The following B3GALT1 variants were observed in gnomAD, a reference collection of about 807,000 sequenced individuals.
B3GALT1 encodes the protein beta-1,3-galactosyltransferase 1.
B3GALT1 carries 10 observed loss-of-function variants against 23.2 expected under a neutral mutation model. The ratio of observed to expected loss-of-function variants is 0.43; its 90% CI spans 0.27 to 0.73. The LOEUF is 0.73. B3GALT1 is among the 30% of genes least tolerant of loss of function. The probability of loss-of-function intolerance (pLI) is 0.21; values close to 1 mark genes in which losing one functional copy is unlikely to be tolerated. For synonymous variants in B3GALT1, 156 were observed against 141.5 expected, an observed-to-expected ratio of 1.10 and a Z score of -0.73; for missense variants, 299 against 405.4, an observed-to-expected ratio of 0.74 and a Z score of 2.25.
rs1041064607 is a variant in B3GALT1 at position 167,355,915 on chromosome 2, G to C, written c.-511+62581G>C. ...AGTATACTGAGTCATTACAAGGGTG[G>C]TAAGGATGGGAGAGTATTTTGTTTC... On this transcript the variant is annotated intron_variant, in intron 1 of 4. Coordinates refer to ENST00000392690, the MANE Select transcript of B3GALT1 (RefSeq NM_020981.4). Among the ~76,000 whole-genome samples, 2 of 152,306 alleles carry C rather than the reference G, an allele frequency of 1.3e-5. 1 individual carries two copies. The highest frequency in any genetic ancestry group is 4.1e-4 in the South Asian group (2 of 4,826).
intron 3 of B3GALT1, among the ~76,000 whole-genome samples, chr2:167,673,252 G>A (rs1301284985): frequency 6.6e-6 from 1 of 151,964 alleles, no homozygotes; most frequent in Non-Finnish European, 1.5e-5. Flanking sequence ...TAAAAAGCAG[G>A]TTTCTGATCA....
At chr2:167,593,771 A>G (rs1339392701) in intron 2 of B3GALT1, among the ~76,000 whole-genome samples, 3 of 152,194 alleles carry the variant, frequency 2.0e-5, no homozygotes, top group African/African-American at 7.2e-5. Context: ...GTTCCACAAC[A>G]CGGAGCTCAG....
intron 3 of B3GALT1, among the ~76,000 whole-genome samples, chr2:167,651,394 T>C (rs1188803727): frequency 6.6e-6 from 1 of 152,138 alleles, no homozygotes; most frequent in African/African-American, 2.4e-5. Flanking sequence ...CCCAAAACTG[T>C]CTTCTGATAA....
intron 1 of B3GALT1, among the ~76,000 whole-genome samples, chr2:167,442,323 A>G (rs1431185671): frequency 2.0e-5 from 3 of 152,114 alleles, no homozygotes; most frequent in Non-Finnish European, 2.9e-5. Flanking sequence ...ATTGTGAATA[A>G]TGCCGCAATA....
At chr2:167,468,755 C>T (rs72872823) in intron 1 of B3GALT1, among the ~76,000 whole-genome samples, 6,500 of 152,194 alleles carry the variant, frequency 0.043, 214 homozygotes, top group Non-Finnish European at 0.062. Context: ...GCCTGAGTCC[C>T]AGCTACTTGA....
At chr2:167,836,411 G>A (rs1281286468) in intron 4 of B3GALT1, among the ~76,000 whole-genome samples, 1 of 152,158 alleles carries the variant, frequency 6.6e-6, no homozygotes, top group Non-Finnish European at 1.5e-5. Context: ...GCGATCAACT[G>A]GAAGAAAGGG....
At chr2:167,619,772 A>T (rs1180022602) in intron 2 of B3GALT1, among the ~76,000 whole-genome samples, 1 of 152,108 alleles carries the variant, frequency 6.6e-6, no homozygotes, top group Admixed American at 6.6e-5. Flanking sequence ...CTGTGTAGTG[A>T]AAACTAATTA....
At chr2:167,868,702 T>C (rs759981349) in intron 4 of B3GALT1, among the ~76,000 whole-genome samples, 109 bp from the exon 5 acceptor site, 1 of 152,208 alleles carries the variant, frequency 6.6e-6, no homozygotes, top group South Asian at 2.1e-4. Flanking sequence ...TGAATGATCA[T>C]GTGTATTTTA....
chr2:167,323,212 T>A (rs562146350), intron 1 of B3GALT1, among the ~76,000 whole-genome samples: 1 of 152,254 alleles, frequency 6.6e-6, no homozygotes, highest in South Asian at 2.1e-4. Context: ...AATGTAAATG[T>A]CATAATTTAG....
At chr2:167,823,874 A>G (rs1689160008) in intron 4 of B3GALT1, among the ~76,000 whole-genome samples, 2 of 152,276 alleles carry the variant, frequency 1.3e-5, no homozygotes, top group Admixed American at 1.3e-4. Context: ...ATATTTAGAT[A>G]TAACAATTAT....
chr2:167,363,403 GATTCAC>G (rs1697529491), intron 1 of B3GALT1, among the ~76,000 whole-genome samples: 3 of 151,912 alleles, frequency 2.0e-5, no homozygotes. Context: ...CTTGCCTCCA[GATTCAC>G]ACACACAAAA....
intron 1 of B3GALT1, among the ~76,000 whole-genome samples, chr2:167,294,608 G>C (rs1439577010): frequency 6.6e-6 from 1 of 152,176 alleles, no homozygotes; most frequent in Non-Finnish European, 1.5e-5. Context: ...ATCTGCTTAG[G>C]AAAGTTCTTG....
chr2:167,525,962 T>TC (rs1683212525), intron 2 of B3GALT1, among the ~76,000 whole-genome samples: 1 of 151,996 alleles, frequency 6.6e-6, no homozygotes, highest in Non-Finnish European at 1.5e-5. Flanking sequence ...TTGATCACAG[T>TC]CCCCAACATT....
At chr2:167,802,677 T>C (rs1688660403) in intron 3 of B3GALT1, among the ~76,000 whole-genome samples, 1 of 152,220 alleles carries the variant, frequency 6.6e-6, no homozygotes, top group Non-Finnish European at 1.5e-5. Context: ...ATATCTATTA[T>C]ATCTCCATCG....
chr2:167,727,257 T>G (rs1054334943), intron 3 of B3GALT1, among the ~76,000 whole-genome samples: 3 of 152,236 alleles, frequency 2.0e-5, no homozygotes, highest in Non-Finnish European at 4.4e-5. Context: ...TAGCTCATTT[T>G]CTAGTGTTTT....
chr2:167,634,474 G>C (rs1400489994), intron 2 of B3GALT1, among the ~76,000 whole-genome samples: 1 of 152,022 alleles, frequency 6.6e-6, no homozygotes, highest in Non-Finnish European at 1.5e-5. Flanking sequence ...AAGAAGAAAA[G>C]AGAGAAGAAT....
At chr2:167,834,918 G>A (rs896851694) in intron 4 of B3GALT1, among the ~76,000 whole-genome samples, 1 of 152,100 alleles carries the variant, frequency 6.6e-6, no homozygotes. Context: ...GGAGAGGCCT[G>A]ACATTTTTAT....
At chr2:167,654,224 A>T (rs1685913740) in intron 3 of B3GALT1, among the ~76,000 whole-genome samples, 1 of 152,224 alleles carries the variant, frequency 6.6e-6, no homozygotes, top group African/African-American at 2.4e-5. Flanking sequence ...TAATACTCAT[A>T]ACACACTTAG....
chr2:167,467,281 A>G (rs564154941), intron 1 of B3GALT1, among the ~76,000 whole-genome samples: 101 of 152,236 alleles, frequency 6.6e-4, no homozygotes, highest in African/African-American at 2.4e-3. Flanking sequence ...AGAAAAAGTG[A>G]GAAGAAAACC....
Sources: gnomAD v4.1 joint callset for allele counts (sites outside exome capture counted in the v4.1 genomes callset) on GRCh38, gnomAD v4.1.1 for gene constraint, MANE v1.5 for transcripts, NCBI Gene and HGNC (gene_info 2026-07-23, HGNC 2026-07-21) for gene names.